MCM3AP: variants seen among roughly 807,000 people sequenced by gnomAD.
MCM3AP encodes the protein minichromosome maintenance complex component 3 associated protein.
A neutral mutation model predicts 184.1 loss-of-function variants in MCM3AP; 126 were observed. That is an observed-to-expected ratio of 0.68 (90% confidence interval 0.59 to 0.79). The LOEUF (loss-of-function observed/expected upper bound fraction) is 0.79. MCM3AP is among the 30% of genes least tolerant of loss of function. The pLI, the probability that MCM3AP is intolerant of heterozygous loss-of-function variation, is 0.00. For missense variants in MCM3AP, 2,496 were observed against 2,479.2 expected, an observed-to-expected ratio of 1.01 and a Z score of -0.14; for synonymous variants, 1,002 against 979.3, an observed-to-expected ratio of 1.02 and a Z score of -0.43.
intron 16 of MCM3AP, 117 bp downstream of exon 16, chr21:46,258,822 C>T: frequency 2.7e-6 from 3 of 1,093,826 alleles, no homozygotes; most frequent in Non-Finnish European, 2.8e-6. Context: ...ATTGCTATAA[C>T]ATTTTCCCTC....
chr21:46,265,327 A>G lies in MCM3AP; in HGVS notation c.3228T>C (p.Ser1076=), dbSNP rs372084622. The change falls in exon 12 of 28, where the codon TCT becomes TCC. Residue 1076 remains serine, a synonymous_variant. Coordinates refer to ENST00000291688, the MANE Select transcript of MCM3AP (RefSeq NM_003906.5). Reference sequence around the variant, plus strand: ...AGAAAAAAAGAGTCCCTACCTCGTCAGAGTACATGGGCACGGGCTCTGGAG... The same window carrying G: ...AGAAAAAAAGAGTCCCTACCTCGTCGGAGTACATGGGCACGGGCTCTGGAG... ...PPPPEPVPMY[S]DEDLAQVVDE... 4.2e-5 allele frequency: 67 copies of G among 1,613,720 alleles called. No individual in the cohort carries two copies. The highest frequency in any genetic ancestry group is 5.3e-5 in the Non-Finnish European group (63 of 1,179,974).
At chr21:46,253,726 G>C (rs575866136) in intron 19 of MCM3AP, 12 of 152,718 alleles carry the variant, frequency 7.9e-5, no homozygotes, top group African/African-American at 2.9e-4. Flanking sequence ...ACAAGATCTG[G>C]TTAAGTGTGT....
At position 46,264,157 on chromosome 21, in the gene MCM3AP, C is replaced by T. The variant is rs1488856216; in HGVS notation, c.3295G>A (p.Val1099Ile). 9.3e-6 allele frequency: 15 copies of T among 1,613,908 alleles called. No homozygotes were observed. Among genetic ancestry groups the T allele is most frequent in the Non-Finnish European group, 1.3e-5 (15 of 1,179,990 alleles). ...QEALQRDCEE[V>I]GSAGAAYAAA... ...GCGTAGGCAGCACCCGCAGAGCCAACTTCCTCACAGTCCCTCTGCAGGGCC... is the reference window on the plus strand; with the variant it reads ...GCGTAGGCAGCACCCGCAGAGCCAATTTCCTCACAGTCCCTCTGCAGGGCC... The change falls in exon 13 of 28, where the codon GTT becomes ATT. Residue 1099 changes from valine (V) to isoleucine (I), a missense_variant. Transcript: ENST00000291688.
At position 46,280,047 on chromosome 21, in the gene MCM3AP, G is replaced by C. The variant is rs764926040; in HGVS notation, c.1613C>G (p.Ser538Cys). ...CCTCCCTGCGGCCTTGCCAAGAGGA[G>C]AGTGCTGAAAGGGTGCATCCTCTGT... ...PSTEDAPFQH[S>C]PLGKAAGRTG... The change falls in exon 4 of 28, where the codon TCT becomes TGT. Residue 538 changes from serine to cysteine, a missense_variant. Around this residue, in one of 5 missense-constraint regions of MCM3AP, gnomAD observed 800 missense variants for 717.1 expected, o/e 1.12. Transcript: ENST00000291688. The C allele has an allele frequency of 3.7e-6, 6 of 1,614,038 alleles. No homozygotes were observed. In the Admixed American group the frequency reaches 8.3e-5, roughly 22 times the overall value.
intron 17 of MCM3AP, 146 bp downstream of exon 17, chr21:46,256,643 G>T (rs2080953944): frequency 3.1e-6 from 3 of 975,016 alleles, no homozygotes; most frequent in Non-Finnish European, 4.4e-6. Context: ...GCAACCCTGT[G>T]CCTGTCCTCG....
At chr21:46,243,438 G>C (rs777336050) in intron 24 of MCM3AP, 27 bp downstream of exon 24, 3 of 1,576,562 alleles carry the variant, frequency 1.9e-6, no homozygotes, top group Non-Finnish European at 2.6e-6. Context: ...GTGAGGAGCT[G>C]ATCCCATTGC....
rs777860374 is a variant in MCM3AP at position 46,256,963 on chromosome 21, C to T, written c.3758G>A (p.Arg1253His). ...LQRWREAVTA[R>H]KKLRRQMRAF... ...CCGCATTTGGCGCCTCAGTTTCTTG[C>T]GGGCTGTGACAGCTTCCCTCCACCT... Residue 1253 changes from arginine (R) to histidine (H), a missense_variant, in exon 17 of 28, where the codon CGC (arginine) becomes CAC (histidine). Arg to His is a conservative substitution (Grantham distance 29). Coordinates refer to ENST00000291688, the MANE Select transcript of MCM3AP (RefSeq NM_003906.5). 1.2e-5 allele frequency: 20 copies of T among 1,611,306 alleles called. No individual in the cohort carries two copies. The highest frequency in any genetic ancestry group is 1.1e-4 in the South Asian group (10 of 90,534).
chr21:46,282,492 T>A (rs1444469878), intron 2 of MCM3AP, among the ~76,000 whole-genome samples: 1 of 152,214 alleles, frequency 6.6e-6, no homozygotes, highest in Non-Finnish European at 1.5e-5. Flanking sequence ...CCACGTTCAC[T>A]GCACCCTAGA....
rs755235768 is a variant in MCM3AP at position 46,256,901 on chromosome 21, C to T, written c.3820G>A (p.Asp1274Asn). 8.7e-6 allele frequency: 14 copies of T among 1,607,894 alleles called. No individual in the cohort carries two copies. Among genetic ancestry groups the T allele is most frequent in the African/African-American group, 8.0e-5 (6 of 74,818 alleles). The change falls in exon 17 of 28, where the codon GAC (aspartate) becomes AAC (asparagine). Residue 1274 changes from aspartate (D) to asparagine (N), a missense_variant. Asp to Asn is a conservative substitution (Grantham distance 23, BLOSUM62 1). This residue lies in a region of MCM3AP where 1,323 missense variants were observed against 1,273.4 expected (regional missense o/e 1.04). Coordinates refer to ENST00000291688, the MANE Select transcript of MCM3AP (RefSeq NM_003906.5). ...CTGGGCGCCAGCGCCCTCAGCCGGTCGCTCACGTCCACGCAGCAGGGCGCA... is the reference window on the plus strand; with the variant it reads ...CTGGGCGCCAGCGCCCTCAGCCGGTTGCTCACGTCCACGCAGCAGGGCGCA... ...PAAPCCVDVS[D>N]RLRALAPSAE...
At chr21:46,246,472 T>C (rs2080771931) in intron 21 of MCM3AP, 68 bp from the exon 22 acceptor site, 1 of 1,367,924 alleles carries the variant, frequency 7.3e-7, no homozygotes, top group East Asian at 2.3e-5. Context: ...CATATCTCAC[T>C]GTGCTGACCC....
At chr21:46,282,812 T>A (rs1162174531) in intron 2 of MCM3AP, among the ~76,000 whole-genome samples, 5 of 151,460 alleles carry the variant, frequency 3.3e-5, no homozygotes, top group East Asian at 1.9e-4. Flanking sequence ...CTCAAAAAAA[T>A]AAATAAATAA....
chr21:46,263,685 CAGA>C (rs938278548), intron 13 of MCM3AP, among the ~76,000 whole-genome samples: 17 of 139,166 alleles, frequency 1.2e-4, no homozygotes, highest in African/African-American at 4.6e-4. Flanking sequence ...GAAGCTGAGG[CAGA>C]AGAATTGCTT....
At chr21:46,261,002 T>G (rs568056943) in intron 14 of MCM3AP, 96 bp from the exon 15 acceptor site, 5 of 1,029,148 alleles carry the variant, frequency 4.9e-6, no homozygotes, top group African/African-American at 4.7e-5. Context: ...GGGATTGAGG[T>G]GTGCTGCCTG....
chr21:46,266,952 G>A (rs2081120055), intron 10 of MCM3AP, 30 bp downstream of exon 10: 2 of 1,611,670 alleles, frequency 1.2e-6, no homozygotes, highest in African/African-American at 1.3e-5. Context: ...AAGGAGACAG[G>A]GGCCCCACAG....
chr21:46,274,296 T>C (rs753829168), intron 6 of MCM3AP, among the ~76,000 whole-genome samples: 17 of 152,236 alleles, frequency 1.1e-4, no homozygotes, highest in Admixed American at 1.3e-4. Context: ...ACATGGATAA[T>C]GTTCAGGAAA....
At chr21:46,277,366 T>C (rs945554203) in intron 5 of MCM3AP, among the ~76,000 whole-genome samples, 161 bp downstream of exon 5, 4 of 152,008 alleles carry the variant, frequency 2.6e-5, no homozygotes, top group Non-Finnish European at 2.9e-5. Context: ...CAACACTCAC[T>C]CCAAGAAGAC....
At chr21:46,245,762 A>G (rs1021131660) in intron 22 of MCM3AP, among the ~76,000 whole-genome samples, 1 of 152,154 alleles carries the variant, frequency 6.6e-6, no homozygotes, top group Admixed American at 6.5e-5. Context: ...GCCTCCGAGT[A>G]GCAGAGACTA....
In MCM3AP at chr21:46,283,843, G is replaced by A. The variant is rs754372660; in HGVS notation, c.1220-5C>T. ...CCGGAGTTCCTCTTAGAGAATCTAG[G>A]GGTTCAGAGAATGGACACTTAAACC... is the stretch of plus-strand genomic sequence containing the variant. On this transcript the variant is annotated splice_polypyrimidine_tract_variant and splice_region_variant and intron_variant, in intron 1 of 27. Coordinates refer to ENST00000291688, the MANE Select transcript of MCM3AP (RefSeq NM_003906.5). The A allele has an allele frequency of 2.5e-6, 4 of 1,609,014 alleles. No individual in the cohort carries two copies. Among genetic ancestry groups the A allele is most frequent in the Non-Finnish European group, 3.4e-6 (4 of 1,176,934 alleles).
chr21:46,246,570 G>A (rs1482055600), intron 21 of MCM3AP, 58 bp downstream of exon 21: 6 of 1,595,056 alleles, frequency 3.8e-6, no homozygotes, highest in African/African-American at 2.7e-5. Context: ...CTCAGACCCA[G>A]GGCCTCCACC....
Sources: allele counts gnomAD v4.1 joint callset (sites outside exome capture counted in the v4.1 genomes callset), GRCh38; gene constraint gnomAD v4.1.1; regional missense constraint gnomAD v4.1.1; transcripts MANE v1.5; gene names NCBI Gene and HGNC (gene_info 2026-07-23, HGNC 2026-07-21).